The following DCAF6 variants were observed in gnomAD, a reference collection of about 807,000 sequenced individuals.
DCAF6 encodes the protein DDB1 and CUL4 associated factor 6.
DCAF6 carries 54 observed loss-of-function variants against 125.1 expected under a neutral mutation model. That is an observed-to-expected ratio of 0.43 (90% CI 0.35 to 0.54). DCAF6 has a LOEUF of 0.54. DCAF6 is among the 20% of genes least tolerant of loss of function. DCAF6 has a pLI of 0.01. For missense variants in DCAF6, 934 were observed against 1,161.7 expected (o/e 0.80, Z 2.85); for synonymous variants, 371 against 390.4 (o/e 0.95, Z 0.58).
In DCAF6 at chr1:168,015,791, G is replaced by T; in HGVS notation, c.1389G>T (p.Arg463Ser). ...TCCTATTTGTGTCAGAATTTTTAAG[G>T]GGCCCTGAGATAGCTTTGCTTCGTA... ...HHTHHQSEFL[R>S]GPEIALLRKR... Residue 463 changes from arginine to serine, a missense_variant, in exon 11 of 22, where the codon AGG (arginine) becomes AGT (serine). Transcript: ENST00000367840. 6.8e-7 allele frequency: 1 copy of T among 1,480,390 alleles called. No individual in the cohort carries two copies. Among genetic ancestry groups the T allele is most frequent in the Non-Finnish European group, 9.0e-7 (1 of 1,111,548 alleles). 91.7% of individuals were successfully genotyped at this position (1,480,390 alleles called of 1,614,324 possible). A position where few individuals can be genotyped will look rare whatever the true frequency, so the allele number is the denominator to read the frequency against.
At chr1:167,937,594 G>T (rs556950353) in intron 1 of DCAF6, among the ~76,000 whole-genome samples, 2 of 152,232 alleles carry the variant, frequency 1.3e-5, no homozygotes, top group Non-Finnish European at 2.9e-5. Flanking sequence ...TCTTCAGTTC[G>T]TTTTGACCGC....
chr1:167,941,255 T>C (rs762448136), intron 1 of DCAF6, among the ~76,000 whole-genome samples: 1 of 152,186 alleles, frequency 6.6e-6, no homozygotes. Flanking sequence ...ACGTAAGATA[T>C]ACTGATAATT....
chr1:168,071,425 A>G (rs940262439), intron 21 of DCAF6, among the ~76,000 whole-genome samples: 3 of 152,128 alleles, frequency 2.0e-5, no homozygotes, highest in African/African-American at 7.2e-5. Flanking sequence ...CCAACATGGC[A>G]AAACCCCGTC....
the DCAF6 span, among the ~76,000 whole-genome samples, chr1:167,896,253 T>C: frequency 1.3e-5 from 2 of 152,196 alleles, no homozygotes; most frequent in African/African-American, 4.8e-5. Context: ...CAGGTATAAA[T>C]ACATTTACAG....
At chr1:167,991,366 T>C in intron 6 of DCAF6, 27 bp downstream of exon 6, 1 of 1,582,006 alleles carries the variant, frequency 6.3e-7, no homozygotes, top group Non-Finnish European at 8.6e-7. Flanking sequence ...AGAGAAAATA[T>C]AGGACTGTCA....
the DCAF6 span, chr1:167,917,926 C>T: frequency 6.4e-6 from 1 of 156,924 alleles, no homozygotes; most frequent in Non-Finnish European, 1.4e-5. Flanking sequence ...TCAGTCTCTT[C>T]AGCAAAATTT....
chr1:167,893,758 C>G, the DCAF6 span: 3 of 567,762 alleles, frequency 5.3e-6, no homozygotes, highest in Non-Finnish European at 6.5e-6. Context: ...TTACTATTTA[C>G]TAGTAGCTGC....
At chr1:167,919,676 G>A in the DCAF6 span, among the ~76,000 whole-genome samples, 46 of 152,242 alleles carry the variant, frequency 3.0e-4, no homozygotes, top group African/African-American at 1.1e-3. Flanking sequence ...GATTATGTGA[G>A]ATGGTTAACC....
chr1:167,989,852 T>C (rs60739127), intron 5 of DCAF6, among the ~76,000 whole-genome samples: 16,362 of 150,644 alleles, frequency 0.11, 996 homozygotes, highest in African/African-American at 0.16. Context: ...CAGAGCAAAA[T>C]TCTATCTCAA....
chr1:168,019,844 C>T lies in DCAF6; in HGVS notation c.1550-3144C>T, dbSNP rs115556973. ...TCCTGTGCAAGCAGGCTCTAAACAACACCAGATTTCCCACAGTGTCCATAA... is the reference window on the plus strand; with the variant it reads ...TCCTGTGCAAGCAGGCTCTAAACAATACCAGATTTCCCACAGTGTCCATAA... On this transcript the variant is annotated intron_variant, in intron 11 of 21. Coordinates refer to ENST00000367840, the MANE Select transcript of DCAF6 (RefSeq NM_001198956.2). 761 of 165,826 alleles carry T rather than the reference C, an allele frequency of 4.6e-3. 7 individuals carry two copies. The highest frequency in any genetic ancestry group is 0.013 in the South Asian group (90 of 6,694). The allele number at this position is 165,826 out of a possible 1,614,324, so 10.3% of individuals were successfully genotyped here.
chr1:168,072,063 C>T (rs905887290), intron 21 of DCAF6, among the ~76,000 whole-genome samples: 3 of 151,698 alleles, frequency 2.0e-5, no homozygotes, highest in Non-Finnish European at 4.4e-5. Flanking sequence ...TTTGGGAGGC[C>T]GAGGCGGGTA....
chr1:167,953,708 T>A (rs1674336922), intron 2 of DCAF6, among the ~76,000 whole-genome samples: 1 of 152,098 alleles, frequency 6.6e-6, no homozygotes, highest in South Asian at 2.1e-4. Context: ...CAAGCAGTTC[T>A]CCGCTGCAGC....
chr1:168,008,555 A>T (rs1030184695), intron 10 of DCAF6, among the ~76,000 whole-genome samples: 1 of 152,140 alleles, frequency 6.6e-6, no homozygotes, highest in Non-Finnish European at 1.5e-5. Context: ...TTCTCCATGC[A>T]GGAGCCAGAA....
At chr1:167,905,968 G>A in the DCAF6 span, among the ~76,000 whole-genome samples, 6 of 152,264 alleles carry the variant, frequency 3.9e-5, no homozygotes, top group South Asian at 1.2e-3. Flanking sequence ...TACTTTTTCA[G>A]AGCAATCCAA....
chr1:167,941,121 T>C (rs1672168488), intron 1 of DCAF6, among the ~76,000 whole-genome samples: 1 of 152,154 alleles, frequency 6.6e-6, no homozygotes, highest in African/African-American at 2.4e-5. Flanking sequence ...CTTTTGCCTC[T>C]TTTTTTAGCC....
intron 16 of DCAF6, among the ~76,000 whole-genome samples, chr1:168,049,439 T>G (rs1402144602): frequency 8.9e-5 from 13 of 146,638 alleles, no homozygotes; most frequent in African/African-American, 3.2e-4. Flanking sequence ...TTGTTTTTTT[T>G]TTTTTTTTTT....
intron 8 of DCAF6, among the ~76,000 whole-genome samples, chr1:168,003,071 A>G (rs1682864203): frequency 6.6e-6 from 1 of 152,164 alleles, no homozygotes; most frequent in African/African-American, 2.4e-5. Flanking sequence ...GTTTTATTAA[A>G]TTGGTCTGTA....
At chr1:167,970,176 A>G (rs1336053127) in intron 3 of DCAF6, among the ~76,000 whole-genome samples, 1 of 152,236 alleles carries the variant, frequency 6.6e-6, no homozygotes, top group Non-Finnish European at 1.5e-5. Context: ...ATTATACAAA[A>G]TAATCACTTG....
chr1:168,023,027 T>C lies in DCAF6; in HGVS notation c.1589T>C (p.Met530Thr), dbSNP rs199784267. 7.4e-5 allele frequency: 120 copies of C among 1,614,096 alleles called. No individual in the cohort carries two copies. Among genetic ancestry groups the C allele is most frequent in the Non-Finnish European group, 9.9e-5 (117 of 1,180,038 alleles). ...SSVVNKQLGSMSLDEQQDNNN... is the reference protein window; with the variant it reads ...SSVVNKQLGSTSLDEQQDNNN... ...GTGGTTAACAAACAGCTCGGATCCATGTCACTTGACGAGCAACAGGGTGCG... is the reference window on the plus strand; with the variant it reads ...GTGGTTAACAAACAGCTCGGATCCACGTCACTTGACGAGCAACAGGGTGCG... The change falls in exon 12 of 22, where the codon ATG becomes ACG. Residue 530 changes from methionine to threonine, a missense_variant. Physicochemically the swap from Met to Thr is moderately conservative, Grantham distance 81. Transcript: ENST00000367840.
Sources: allele counts gnomAD v4.1 joint callset (sites outside exome capture counted in the v4.1 genomes callset), GRCh38; gene constraint gnomAD v4.1.1; transcripts MANE v1.5; gene names NCBI Gene and HGNC (gene_info 2026-07-23, HGNC 2026-07-21).